Variants in ENTREP2 observed in about 807,000 individuals in gnomAD.
ENTREP2 encodes endosomal transmembrane epsin interactor 2, also known as protein ENTREP2.
At chr15:29,494,268 G>A in the ENTREP2 span, among the ~76,000 whole-genome samples, 5 of 150,764 alleles carry the variant, frequency 3.3e-5, no homozygotes, top group Admixed American at 2.6e-4. Flanking sequence ...ACCATTTTTA[G>A]AATTAGCAAT....
chr15:29,367,874 A>G, the ENTREP2 span, among the ~76,000 whole-genome samples: 1 of 152,126 alleles, frequency 6.6e-6, no homozygotes, highest in African/African-American at 2.4e-5. Flanking sequence ...CATCAACAAT[A>G]AACTATAGTG....
chr15:29,600,984 G>A, the ENTREP2 span, among the ~76,000 whole-genome samples: 15 of 140,318 alleles, frequency 1.1e-4, no homozygotes, highest in South Asian at 2.1e-4. Context: ...TGCAAGCTCC[G>A]CCTCCCGGGT....
chr15:29,307,602 C>T, the ENTREP2 span, among the ~76,000 whole-genome samples: 1 of 152,192 alleles, frequency 6.6e-6, no homozygotes, highest in South Asian at 2.1e-4. Flanking sequence ...GCCTTAACCA[C>T]CAATGTGACT....
At chr15:29,157,922 G>A in the ENTREP2 span, among the ~76,000 whole-genome samples, 1 of 152,038 alleles carries the variant, frequency 6.6e-6, no homozygotes, top group Non-Finnish European at 1.5e-5. Context: ...GTAGAGACGG[G>A]GTTTCACCAT....
chr15:29,207,367 A>G, the ENTREP2 span, among the ~76,000 whole-genome samples: 7 of 149,658 alleles, frequency 4.7e-5, no homozygotes, highest in Admixed American at 2.0e-4. Context: ...ACGAACCCAA[A>G]GAGTGAGTGA....
the ENTREP2 span, among the ~76,000 whole-genome samples, chr15:29,167,255 T>C: frequency 6.6e-6 from 1 of 152,044 alleles, no homozygotes; most frequent in African/African-American, 2.4e-5. Context: ...AGGCATTGGC[T>C]TAGGCAAGGA....
chr15:29,518,773 C>A, the ENTREP2 span, among the ~76,000 whole-genome samples: 2 of 152,182 alleles, frequency 1.3e-5, no homozygotes, highest in Admixed American at 6.5e-5. Flanking sequence ...ACTAGTGACA[C>A]AGGGGAAAGC....
chr15:29,136,719 G>C, the ENTREP2 span, among the ~76,000 whole-genome samples: 1 of 148,224 alleles, frequency 6.7e-6, no homozygotes, highest in Admixed American at 6.7e-5. Context: ...CTACTGACCT[G>C]TCCATTAAAA....
At chr15:29,212,346 G>C in the ENTREP2 span, among the ~76,000 whole-genome samples, 1 of 152,032 alleles carries the variant, frequency 6.6e-6, no homozygotes, top group Non-Finnish European at 1.5e-5. Flanking sequence ...ATTTCTTATT[G>C]AGCTTATTTG....
the ENTREP2 span, among the ~76,000 whole-genome samples, chr15:29,664,273 T>A: frequency 6.6e-6 from 1 of 152,046 alleles, no homozygotes; most frequent in African/African-American, 2.4e-5. Context: ...ACGTGAGAGG[T>A]GCACTCTGGT....
At chr15:29,279,370 A>ATTT in the ENTREP2 span, among the ~76,000 whole-genome samples, 2,513 of 144,546 alleles carry the variant, frequency 0.017, 82 homozygotes, top group African/African-American at 0.06. Context: ...TTTAGTTGGG[A>ATTT]TTTTTTTTTT....
At chr15:29,521,114 T>C in the ENTREP2 span, among the ~76,000 whole-genome samples, 2 of 152,136 alleles carry the variant, frequency 1.3e-5, no homozygotes, top group Non-Finnish European at 2.9e-5. Flanking sequence ...TGCCATCTAA[T>C]GAGTAAAGGA....
the ENTREP2 span, among the ~76,000 whole-genome samples, chr15:29,537,873 C>T: frequency 2.0e-5 from 3 of 152,096 alleles, no homozygotes; most frequent in Non-Finnish European, 4.4e-5. Flanking sequence ...GTCCTGTGAA[C>T]AACCCAAGGC....
chr15:29,125,932 C>G, the ENTREP2 span, among the ~76,000 whole-genome samples: 28 of 152,300 alleles, frequency 1.8e-4, no homozygotes, highest in South Asian at 5.8e-3. Flanking sequence ...ATGCCCAGAG[C>G]TATCGTTGGG....
chr15:29,349,715 C>T, the ENTREP2 span, among the ~76,000 whole-genome samples: 16 of 151,982 alleles, frequency 1.1e-4, no homozygotes, highest in African/African-American at 3.9e-4. Flanking sequence ...CTGGGCAACA[C>T]AGTGAAACCC....
the ENTREP2 span, among the ~76,000 whole-genome samples, chr15:29,659,853 G>T: frequency 6.6e-6 from 1 of 151,666 alleles, no homozygotes; most frequent in Non-Finnish European, 1.5e-5. Flanking sequence ...CTGGAGTGCA[G>T]TGGTGCTATA....
chr15:29,168,304 C>CCCAA, the ENTREP2 span, among the ~76,000 whole-genome samples: 4 of 152,252 alleles, frequency 2.6e-5, no homozygotes, highest in Admixed American at 2.6e-4. Context: ...CAAATACCAC[C>CCCAA]TGTACCCCAA....
the ENTREP2 span, among the ~76,000 whole-genome samples, chr15:29,156,681 G>A: frequency 1.3e-5 from 2 of 152,270 alleles, no homozygotes; most frequent in Admixed American, 6.5e-5. Context: ...TGACTCTGAA[G>A]TTCAGAACAA....
At chr15:29,630,534 A>G in the ENTREP2 span, among the ~76,000 whole-genome samples, 5 of 152,086 alleles carry the variant, frequency 3.3e-5, no homozygotes, top group Admixed American at 1.3e-4. Context: ...AAGTTGGGGA[A>G]TTTTCAGCCA....
Sources: gnomAD v4.1 joint callset for allele counts (sites outside exome capture counted in the v4.1 genomes callset) on GRCh38, gnomAD v4.1.1 for gene constraint, MANE v1.5 for transcripts, NCBI Gene and HGNC (gene_info 2026-07-23, HGNC 2026-07-21) for gene names.